Variants in FRMPD2 observed in about 807,000 individuals in gnomAD.
FRMPD2 encodes FERM and PDZ domain containing 2.
Under a neutral mutation model 140.1 loss-of-function variants are expected in FRMPD2, and 96 were observed. The observed-to-expected ratio is 0.69, with a 90% CI of 0.58 to 0.81. The LOEUF is 0.81. FRMPD2 is among the 40% of genes least tolerant of loss of function. The pLI is 0.00. For missense variants in FRMPD2, 1,240 were observed against 1,447.4 expected (o/e 0.86, Z 2.32); for synonymous variants, 449 against 547.6 (o/e 0.82, Z 2.52).
chr10:48,258,242 T>C (rs1840522457), intron 1 of FRMPD2, among the ~76,000 whole-genome samples: 2 of 152,238 alleles, frequency 1.3e-5, no homozygotes, highest in South Asian at 2.1e-4. Flanking sequence ...AGGAAAAGAC[T>C]ATCCTGCCTC....
chr10:48,214,626 GT>G (rs1418696945), intron 12 of FRMPD2, among the ~76,000 whole-genome samples: 1 of 152,138 alleles, frequency 6.6e-6, no homozygotes, highest in Admixed American at 6.5e-5. Flanking sequence ...CTTTTTTTAA[GT>G]GTTTAGGATC....
chr10:48,240,432 T>A lies in FRMPD2; in HGVS notation c.628A>T (p.Arg210Trp). Residue 210 changes from arginine (R) to tryptophan (W), a missense_variant, in exon 6 of 29, where the codon AGG becomes TGG. Around this residue, in one of 6 missense-constraint regions of FRMPD2, gnomAD observed 1,161 missense variants for 1,055.9 expected, o/e 1.10. Coordinates refer to ENST00000374201, the MANE Select transcript of FRMPD2 (RefSeq NM_001018071.4). ...CTGCTTGTCCCACGCAGCCTCTTCC[T>A]GAGCAGGTAGCTTCTGTTCTGCTGC... The part of the protein sequence containing the change: ...SVQQNRSYLL[R>W]KRLRGTSSES... 1.9e-6 allele frequency: 3 copies of A among 1,613,758 alleles called. No individual in the cohort carries two copies. Among genetic ancestry groups the A allele is most frequent in the Non-Finnish European group, 2.5e-6 (3 of 1,180,030 alleles).
rs139799283 is a variant in FRMPD2, at chr10:48,240,822, C to T, written c.568-330G>A. On this transcript the variant is annotated intron_variant, in intron 5 of 28. Transcript: ENST00000374201. ...TGCTTTCTACTTCTAAGCCTCTCTA[C>T]CTCTGCCGTCTGATCACCTTCCCTT... Among the ~76,000 whole-genome samples, 304 of 152,338 alleles carry T rather than the reference C, an allele frequency of 2.0e-3. 13 individuals carry two copies. In the East Asian group the frequency reaches 0.05, roughly 25 times the overall value.
chr10:48,271,811 G>A (rs536580744), intron 1 of FRMPD2, among the ~76,000 whole-genome samples: 17 of 152,336 alleles, frequency 1.1e-4, no homozygotes, highest in African/African-American at 3.8e-4. Flanking sequence ...CATAGTGGCT[G>A]GAAGAGCAGG....
chr10:48,163,706 G>A (rs373911376), intron 27 of FRMPD2, 35 bp from the exon 28 acceptor site: 28 of 1,459,696 alleles, frequency 1.9e-5, no homozygotes, highest in Admixed American at 1.7e-4. Flanking sequence ...ACTGGCTGCG[G>A]GATGCACATT....
chr10:48,200,193 T>TA (rs879909099), intron 15 of FRMPD2, among the ~76,000 whole-genome samples: 14 of 139,444 alleles, frequency 1.0e-4, no homozygotes, highest in South Asian at 2.2e-4. Context: ...AATAAATAAA[T>TA]AAATAAAACA....
In FRMPD2 at chr10:48,214,197, C is replaced by T. The variant is rs555706858; in HGVS notation, c.1456-2088G>A. ...AACATTTTTATTCCTAATAAAAATC[C>T]CAACGTTCTCTCTGTTCGTGAGACA... On this transcript the variant is annotated intron_variant, in intron 12 of 28. Coordinates refer to ENST00000374201, the MANE Select transcript of FRMPD2 (RefSeq NM_001018071.4). 6.0e-4 allele frequency among the ~76,000 whole-genome samples: 92 copies of T among 152,252 alleles called. No homozygotes were observed. In the Middle Eastern group the frequency reaches 0.01, roughly 17 times the overall value.
chr10:48,211,992 C>T lies in FRMPD2; in HGVS notation c.1573G>A (p.Ala525Thr), dbSNP rs1449521479. 1.2e-6 allele frequency: 2 copies of T among 1,614,072 alleles called. No homozygotes were observed. Among genetic ancestry groups the T allele is most frequent in the South Asian group, 1.1e-5 (1 of 91,052 alleles). The change falls in exon 13 of 29, where the codon GCA (alanine) becomes ACA (threonine). Residue 525 changes from alanine (A) to threonine (T), a missense_variant. Transcript: ENST00000374201. ...AGCTCAGCATCCTCTCCCCACAGTGCAGAGCTGAGCCGGTGCATCTCTGAG... is the reference window on the plus strand; with the variant it reads ...AGCTCAGCATCCTCTCCCCACAGTGTAGAGCTGAGCCGGTGCATCTCTGAG... Reference protein sequence around the residue: ...EVSEMHRLSSALWGEDAELKF... With the variant: ...EVSEMHRLSSTLWGEDAELKF...
At chr10:48,227,277 A>C (rs555289902) in intron 10 of FRMPD2, among the ~76,000 whole-genome samples, 3 of 152,266 alleles carry the variant, frequency 2.0e-5, no homozygotes, top group Admixed American at 2.0e-4. Flanking sequence ...CACAAGGATA[A>C]AAGTTACAAT....
At chr10:48,265,925 T>C (rs966164926) in intron 1 of FRMPD2, among the ~76,000 whole-genome samples, 2 of 152,174 alleles carry the variant, frequency 1.3e-5, no homozygotes, top group Non-Finnish European at 2.9e-5. Flanking sequence ...TGTATATTCA[T>C]TGCAGCAGTA....
chr10:48,184,204 C>T (rs560473798), intron 20 of FRMPD2, among the ~76,000 whole-genome samples: 1 of 151,888 alleles, frequency 6.6e-6, no homozygotes, highest in South Asian at 2.1e-4. Context: ...GGATTCTATA[C>T]AAAATATAGA....
At chr10:48,268,780 T>C (rs1333344556) in intron 1 of FRMPD2, among the ~76,000 whole-genome samples, 1 of 151,802 alleles carries the variant, frequency 6.6e-6, no homozygotes, top group Non-Finnish European at 1.5e-5. Flanking sequence ...AGTGGTTACA[T>C]AAATCTACAC....
chr10:48,252,284 G>A (rs1840403773), intron 1 of FRMPD2, among the ~76,000 whole-genome samples: 1 of 152,038 alleles, frequency 6.6e-6, no homozygotes, highest in Non-Finnish European at 1.5e-5. Context: ...GGCTCAAGAG[G>A]GCTAGTCTTC....
At position 48,222,430 on chromosome 10, in the gene FRMPD2, C is replaced by T; in HGVS notation, c.1338G>A (p.Gln446=). 6.2e-7 allele frequency: 1 copy of T among 1,614,128 alleles called. No individual in the cohort carries two copies. Among genetic ancestry groups the T allele is most frequent in the Non-Finnish European group, 8.5e-7 (1 of 1,179,974 alleles). Reference sequence around the variant, plus strand: ...TATCTTTCCGAAGCTGCAGGTAAAACTGGTGCCTTGTCAGGCTGTGCCTGG... The same window carrying T: ...TATCTTTCCGAAGCTGCAGGTAAAATTGGTGCCTTGTCAGGCTGTGCCTGG... ...GLLQHSLTRH[Q]FYLQLRKDIL... is the part of the protein sequence containing the mutation. Residue 446 remains glutamine, a synonymous_variant, in exon 12 of 29, where the codon CAG becomes CAA. Coordinates refer to ENST00000374201, the MANE Select transcript of FRMPD2 (RefSeq NM_001018071.4).
rs1040111087 is a variant in FRMPD2, at chr10:48,212,056, C to A, written c.1509G>T (p.Leu503=). 6.2e-6 allele frequency: 10 copies of A among 1,614,004 alleles called. No individual in the cohort carries two copies. Among genetic ancestry groups the A allele is most frequent in the Admixed American group, 1.7e-5 (1 of 60,012 alleles). Residue 503 remains leucine, a synonymous_variant, in exon 13 of 29, where the codon CTG becomes CTT. Coordinates refer to ENST00000374201, the MANE Select transcript of FRMPD2 (RefSeq NM_001018071.4). The part of the protein sequence containing the change: ...FHVEDYIPAS[L]IERMTALRVQ... ...CCCGTAGAGCGGTCATCCTCTCGATCAGACTCGCTGGGATGTAATCTTCAA... is the reference window on the plus strand; with the variant it reads ...CCCGTAGAGCGGTCATCCTCTCGATAAGACTCGCTGGGATGTAATCTTCAA...
At chr10:48,273,047 T>G (rs1840796359) in intron 1 of FRMPD2, among the ~76,000 whole-genome samples, 1 of 152,248 alleles carries the variant, frequency 6.6e-6, no homozygotes, top group South Asian at 2.1e-4. Flanking sequence ...AAGAGTATTT[T>G]ATATTTTATT....
chr10:48,176,679 TAACC>T (rs1246691166), intron 22 of FRMPD2, among the ~76,000 whole-genome samples: 1,651 of 152,264 alleles, frequency 0.011, 15 homozygotes, highest in African/African-American at 0.038. Context: ...TATTTGTGAA[TAACC>T]CAAAATTTAG....
At position 48,244,842 on chromosome 10, in the gene FRMPD2, A is replaced by T. The variant is rs903583864; in HGVS notation, c.317T>A (p.Val106Asp). The T allele has an allele frequency of 4.3e-6, 7 of 1,610,392 alleles. No homozygotes were observed. The highest frequency in any genetic ancestry group is 1.3e-5 in the African/African-American group (1 of 74,950). ...DEQPDASQMH[V>D]YSLGMTLYWS... The stretch of plus-strand genomic sequence containing the variant: ...GTAGAGGGTCATTCCTAAAGAATAG[A>T]CATGCATCTGCCCAAAAGAAGAGTA... Residue 106 changes from valine to aspartate, a missense_variant, in exon 4 of 29, where the codon GTC (valine) becomes GAC (aspartate). Val to Asp is a radical substitution (Grantham distance 152). This residue lies in a region of FRMPD2 where 1,161 missense variants were observed against 1,055.9 expected (regional missense o/e 1.10). Transcript: ENST00000374201.
At chr10:48,174,064 A>C (rs2132410082) in intron 24 of FRMPD2, among the ~76,000 whole-genome samples, 1 of 152,354 alleles carries the variant, frequency 6.6e-6, no homozygotes, top group South Asian at 2.1e-4. Flanking sequence ...AAGATAGGTC[A>C]ACCAAAGTCA....
Sources: gnomAD v4.1 joint callset for allele counts (sites outside exome capture counted in the v4.1 genomes callset) on GRCh38, gnomAD v4.1.1 for gene constraint, gnomAD v4.1.1 regional missense constraint, MANE v1.5 for transcripts, NCBI Gene and HGNC (gene_info 2026-07-23, HGNC 2026-07-21) for gene names.